MICU3: variants seen among roughly 807,000 people sequenced by gnomAD.
The protein encoded by MICU3 is mitochondrial calcium uptake 3.
MICU3 carries 62 observed loss-of-function variants against 66.5 expected under a neutral mutation model. The ratio of observed to expected loss-of-function variants is 0.93; its 90% CI spans 0.76 to 1.15. The LOEUF is 1.15. Ranked by LOEUF, MICU3 falls within the 50% of genes most tolerant of loss-of-function variation. The probability of loss-of-function intolerance (pLI) is 0.00; values close to 1 mark genes in which losing one functional copy is unlikely to be tolerated. For synonymous variants in MICU3, 308 were observed against 240.7 expected (o/e 1.28, Z -2.59); for missense variants, 779 against 664.4 (o/e 1.17, Z -1.90).
intron 1 of MICU3, among the ~76,000 whole-genome samples, chr8:17,054,010 C>G (rs1026195877): frequency 3.3e-5 from 5 of 152,162 alleles, no homozygotes; most frequent in African/African-American, 1.2e-4. Flanking sequence ...AGTCATGTGC[C>G]AGATCTGTGA....
In MICU3 at chr8:17,098,376, T is replaced by C; in HGVS notation, c.889-82T>C. The C allele has an allele frequency of 4.3e-6, 4 of 924,000 alleles. No individual in the cohort carries two copies. In the South Asian group the frequency reaches 5.3e-5, roughly 12 times the overall value. 57.2% of individuals were successfully genotyped at this position (924,000 alleles called of 1,614,324 possible). On this transcript the variant is annotated intron_variant, in intron 8 of 14. Transcript: ENST00000318063. Reference sequence around the variant, plus strand: ...AAGCTAATGTGTTTCCTTTTCAAGGTTGGTTAGATTTAAAGTGTATAAATT... The same window carrying C: ...AAGCTAATGTGTTTCCTTTTCAAGGCTGGTTAGATTTAAAGTGTATAAATT...
rs546007172 is a variant in MICU3, at chr8:17,093,752, ATC to A, written c.888+3172_888+3173del. On this transcript the variant is annotated intron_variant, in intron 8 of 14. Coordinates refer to ENST00000318063, the MANE Select transcript of MICU3 (RefSeq NM_181723.3). The stretch of plus-strand genomic sequence containing the variant: ...CTCTAGAAATGTTTTTTGCCGTAAA[ATC>A]TCTTTTAGTTATCAGAATGAATATA... Among the ~76,000 whole-genome samples the A allele has an allele frequency of 2.1e-3, 323 of 151,968 alleles. 2 individuals are homozygous for A. The highest frequency in any genetic ancestry group is 7.5e-3 in the African/African-American group (310 of 41,532).
At chr8:17,058,144 A>G (rs1026888842) in intron 1 of MICU3, among the ~76,000 whole-genome samples, 3 of 152,148 alleles carry the variant, frequency 2.0e-5, no homozygotes, top group African/African-American at 7.2e-5. Context: ...TATTACACTT[A>G]GCGACAAGTT....
intron 1 of MICU3, among the ~76,000 whole-genome samples, chr8:17,043,349 C>A (rs944016031): frequency 6.6e-6 from 1 of 152,172 alleles, no homozygotes; most frequent in African/African-American, 2.4e-5. Flanking sequence ...AAAATAATAT[C>A]ATCTAAACCT....
At chr8:17,038,093 G>C (rs1813363531) in intron 1 of MICU3, among the ~76,000 whole-genome samples, 1 of 152,132 alleles carries the variant, frequency 6.6e-6, no homozygotes, top group African/African-American at 2.4e-5. Context: ...TTGGACTGTG[G>C]ACTTTTGACT....
chr8:17,074,945 A>G (rs1187084991), intron 3 of MICU3, among the ~76,000 whole-genome samples: 1 of 152,010 alleles, frequency 6.6e-6, no homozygotes, highest in Admixed American at 6.6e-5. Flanking sequence ...GCTTGTTGCA[A>G]GTTTCGGGGC....
intron 3 of MICU3, among the ~76,000 whole-genome samples, chr8:17,074,647 C>T (rs955071445): frequency 6.8e-6 from 1 of 148,066 alleles, no homozygotes; most frequent in Non-Finnish European, 1.5e-5. Flanking sequence ...AACTTGCCAC[C>T]CCTAGAGACA....
intron 5 of MICU3, among the ~76,000 whole-genome samples, chr8:17,084,072 AATT>A (rs774716846): frequency 2.0e-5 from 3 of 152,078 alleles, no homozygotes; most frequent in Non-Finnish European, 2.9e-5. Context: ...TGAATTGAAT[AATT>A]ATGGGATATT....
chr8:17,068,241 A>G (rs538380926), intron 2 of MICU3, among the ~76,000 whole-genome samples: 2 of 152,298 alleles, frequency 1.3e-5, no homozygotes, highest in East Asian at 3.9e-4. Flanking sequence ...AGCAATCTTA[A>G]TGGCTCTTTA....
chr8:17,115,995 G>A (rs1355814706), intron 12 of MICU3, among the ~76,000 whole-genome samples: 1 of 152,076 alleles, frequency 6.6e-6, no homozygotes, highest in Non-Finnish European at 1.5e-5. Context: ...CCTAACCACT[G>A]CCTTTCTCTC....
chr8:17,039,936 T>TCG (rs979786814), intron 1 of MICU3, among the ~76,000 whole-genome samples: 3 of 144,554 alleles, frequency 2.1e-5, no homozygotes, highest in African/African-American at 7.7e-5. Flanking sequence ...AGATGGAGTT[T>TCG]CGCTCTTGTT....
intron 1 of MICU3, among the ~76,000 whole-genome samples, chr8:17,049,158 A>G (rs1488658706): frequency 2.0e-5 from 3 of 152,186 alleles, no homozygotes; most frequent in Non-Finnish European, 4.4e-5. Flanking sequence ...ATACTCTTCA[A>G]GTAAAAATTT....
chr8:17,091,683 C>T (rs2150763514), intron 8 of MICU3, among the ~76,000 whole-genome samples: 1 of 152,106 alleles, frequency 6.6e-6, no homozygotes, highest in African/African-American at 2.4e-5. Flanking sequence ...GTTTTGTTTA[C>T]TTACAAGATA....
intron 8 of MICU3, among the ~76,000 whole-genome samples, chr8:17,093,879 T>G (rs1800362500): frequency 6.6e-6 from 1 of 151,944 alleles, no homozygotes; most frequent in South Asian, 2.1e-4. Context: ...AGTTCAGAAA[T>G]TTTCTATAAT....
At chr8:17,058,427 C>G (rs905080900) in intron 1 of MICU3, among the ~76,000 whole-genome samples, 1 of 151,982 alleles carries the variant, frequency 6.6e-6, no homozygotes, top group African/African-American at 2.4e-5. Flanking sequence ...TTTAAAAGGT[C>G]CAGAACATGA....
chr8:17,073,552 G>A (rs181008725), intron 3 of MICU3, among the ~76,000 whole-genome samples: 1 of 152,202 alleles, frequency 6.6e-6, no homozygotes, highest in East Asian at 1.9e-4. Flanking sequence ...ATGTTACATT[G>A]TAATAATAAT....
At chr8:17,042,471 G>C (rs1185980772) in intron 1 of MICU3, among the ~76,000 whole-genome samples, 5 of 152,118 alleles carry the variant, frequency 3.3e-5, no homozygotes, top group African/African-American at 1.2e-4. Flanking sequence ...GTATTAAACA[G>C]GATTTTCTAG....
At chr8:17,036,562 A>G (rs1248479765) in intron 1 of MICU3, among the ~76,000 whole-genome samples, 1 of 152,112 alleles carries the variant, frequency 6.6e-6, no homozygotes, top group Non-Finnish European at 1.5e-5. Context: ...TCCCCATCAG[A>G]TTAGTTAGAT....
intron 12 of MICU3, among the ~76,000 whole-genome samples, chr8:17,116,133 AC>A (rs1802655321): frequency 6.6e-6 from 1 of 152,154 alleles, no homozygotes; most frequent in Non-Finnish European, 1.5e-5. Context: ...TCCCATCTGA[AC>A]CGTAAGTTTC....
Sources: allele counts gnomAD v4.1 joint callset (sites outside exome capture counted in the v4.1 genomes callset), GRCh38; gene constraint gnomAD v4.1.1; transcripts MANE v1.5; gene names NCBI Gene and HGNC (gene_info 2026-07-23, HGNC 2026-07-21).